Variants in REDIC1 observed in about 807,000 individuals in gnomAD.
REDIC1 encodes HEI10 Interacting Protein 1.
the REDIC1 span, among the ~76,000 whole-genome samples, chr12:39,713,519 C>T: frequency 1.9e-4 from 29 of 149,208 alleles, no homozygotes; most frequent in Admixed American, 1.5e-3. Context: ...TACATGCGTG[C>T]ATACATGTGT....
At chr12:39,906,789 T>A in the REDIC1 span, among the ~76,000 whole-genome samples, 1 of 152,126 alleles carries the variant, frequency 6.6e-6, no homozygotes, top group Non-Finnish European at 1.5e-5. Context: ...TTATTTTAAA[T>A]TGAACGTTGA....
the REDIC1 span, among the ~76,000 whole-genome samples, chr12:39,803,004 T>C: frequency 1.3e-5 from 2 of 152,140 alleles, no homozygotes; most frequent in Non-Finnish European, 2.9e-5. Context: ...GTATCTTCCA[T>C]GGGCCCCTTG....
the REDIC1 span, among the ~76,000 whole-genome samples, chr12:39,901,389 T>G: frequency 2.0e-5 from 3 of 149,718 alleles, no homozygotes; most frequent in Admixed American, 6.7e-5. Context: ...GAAACTACCA[T>G]CAGAGTGAAC....
At chr12:39,804,662 C>G in the REDIC1 span, among the ~76,000 whole-genome samples, 1 of 152,128 alleles carries the variant, frequency 6.6e-6, no homozygotes, top group Non-Finnish European at 1.5e-5. Flanking sequence ...ACACACTGTT[C>G]TAGTCTGCTG....
the REDIC1 span, among the ~76,000 whole-genome samples, chr12:39,636,664 A>G: frequency 6.6e-6 from 1 of 152,058 alleles, no homozygotes; most frequent in Non-Finnish European, 1.5e-5. Flanking sequence ...TTATTATAAG[A>G]GCTTAACAGT....
chr12:39,748,325 G>C, the REDIC1 span, among the ~76,000 whole-genome samples: 5 of 152,042 alleles, frequency 3.3e-5, no homozygotes, highest in Non-Finnish European at 7.4e-5. Flanking sequence ...AAGAGACAAA[G>C]CCATTACATA....
chr12:39,868,167 A>G, the REDIC1 span, among the ~76,000 whole-genome samples: 1 of 152,168 alleles, frequency 6.6e-6, no homozygotes, highest in Non-Finnish European at 1.5e-5. Flanking sequence ...AAGGCTTTGG[A>G]TGAAAGAATT....
the REDIC1 span, among the ~76,000 whole-genome samples, chr12:39,828,368 TTTCTC>T: frequency 2.6e-5 from 4 of 152,274 alleles, no homozygotes; most frequent in East Asian, 7.7e-4. Flanking sequence ...GTGCCTTACT[TTTCTC>T]TAATTTATGT....
At chr12:39,780,408 T>G in the REDIC1 span, among the ~76,000 whole-genome samples, 1 of 152,198 alleles carries the variant, frequency 6.6e-6, no homozygotes, top group Non-Finnish European at 1.5e-5. Flanking sequence ...AAATCTCCCC[T>G]AAGTTAGCAT....
the REDIC1 span, among the ~76,000 whole-genome samples, chr12:39,877,853 C>T: frequency 1.3e-5 from 2 of 152,156 alleles, no homozygotes; most frequent in African/African-American, 4.8e-5. Flanking sequence ...CTGCCCAAAT[C>T]TTATGTTGAA....
chr12:39,897,194 T>C, the REDIC1 span, among the ~76,000 whole-genome samples: 1 of 152,218 alleles, frequency 6.6e-6, no homozygotes, highest in African/African-American at 2.4e-5. Flanking sequence ...AATCTTTCCA[T>C]CCATGAAAAA....
the REDIC1 span, among the ~76,000 whole-genome samples, chr12:39,777,345 G>T: frequency 6.6e-6 from 1 of 152,152 alleles, no homozygotes; most frequent in Non-Finnish European, 1.5e-5. Flanking sequence ...AATAAAATGA[G>T]TTTATTTAGA....
At chr12:39,694,792 C>T in the REDIC1 span, among the ~76,000 whole-genome samples, 1 of 152,086 alleles carries the variant, frequency 6.6e-6, no homozygotes, top group African/African-American at 2.4e-5. Flanking sequence ...GTGGCAATCA[C>T]CCCTCCCGTA....
the REDIC1 span, among the ~76,000 whole-genome samples, chr12:39,784,828 T>A: frequency 1.3e-5 from 2 of 152,192 alleles, no homozygotes; most frequent in Non-Finnish European, 2.9e-5. Context: ...ACTCTTGTTA[T>A]GTTTTAGCAA....
At chr12:39,864,865 T>C in the REDIC1 span, 2 of 1,613,364 alleles carry the variant, frequency 1.2e-6, no homozygotes, top group Non-Finnish European at 1.7e-6. Flanking sequence ...GCAAGAATAA[T>C]GAGTGCTACG....
the REDIC1 span, among the ~76,000 whole-genome samples, chr12:39,827,201 T>C: frequency 6.6e-6 from 1 of 151,954 alleles, no homozygotes; most frequent in East Asian, 1.9e-4. Flanking sequence ...TATTTATTTG[T>C]TTACGTTTCT....
chr12:39,829,986 G>A, the REDIC1 span: 1 of 1,243,616 alleles, frequency 8.0e-7, no homozygotes, highest in Admixed American at 1.9e-5. Context: ...GCAAAGTAAT[G>A]TAGTTATGAA....
chr12:39,759,307 G>A, the REDIC1 span: 3 of 152,034 alleles, frequency 2.0e-5, no homozygotes, highest in South Asian at 2.1e-4. Flanking sequence ...GCTCATCTGC[G>A]CAAATGTATG....
the REDIC1 span, among the ~76,000 whole-genome samples, chr12:39,887,214 C>T: frequency 6.6e-6 from 1 of 152,106 alleles, no homozygotes; most frequent in Non-Finnish European, 1.5e-5. Context: ...AGCACTTTTG[C>T]TGCTAAATAA....
Sources: allele counts gnomAD v4.1 joint callset (sites outside exome capture counted in the v4.1 genomes callset), GRCh38; gene constraint gnomAD v4.1.1; transcripts MANE v1.5; gene names NCBI Gene and HGNC (gene_info 2026-07-23, HGNC 2026-07-21).